Variants in PHF3 observed in about 807,000 individuals in gnomAD.
PHF3 encodes the protein PHD finger protein 3.
PHF3 carries 41 observed loss-of-function variants against 178.4 expected under a neutral mutation model. The ratio of observed to expected loss-of-function variants is 0.23; its 90% CI spans 0.18 to 0.30. The LOEUF (loss-of-function observed/expected upper bound fraction) is 0.30. Ranked by LOEUF, PHF3 falls within the 10% of genes least tolerant of loss-of-function variation. PHF3 has a pLI of 1.00. For missense variants in PHF3, 2,346 were observed against 2,398.1 expected (o/e 0.98, Z 0.45); for synonymous variants, 842 against 800.5 (o/e 1.05, Z -0.88).
At chr6:63,692,249 TTA>T (rs1270796192) in intron 5 of PHF3, among the ~76,000 whole-genome samples, 1 of 152,190 alleles carries the variant, frequency 6.6e-6, no homozygotes, top group Non-Finnish European at 1.5e-5. Flanking sequence ...TATGCAGGCC[TTA>T]TCTCTTACAG....
At chr6:63,662,551 T>G (rs1765513081) in intron 2 of PHF3, among the ~76,000 whole-genome samples, 1 of 152,176 alleles carries the variant, frequency 6.6e-6, no homozygotes, top group African/African-American at 2.4e-5. Context: ...CTTGTACTCT[T>G]TTCCCTTCCA....
rs1199362299 is a variant in PHF3, at chr6:63,685,424, G to A, written c.1702G>A (p.Val568Met). 4 of 1,613,850 alleles carry A rather than the reference G, an allele frequency of 2.5e-6. No homozygotes were observed. In the African/African-American group the frequency reaches 4.0e-5, roughly 16 times the overall value. ...IQSCNSGVKSVKNQAHSVLKK... is the reference protein window; with the variant it reads ...IQSCNSGVKSMKNQAHSVLKK... ...GAGTTGCAATTCTGGGGTTAAATCT[G>A]TGAAAAACCAAGCTCATTCTGTACT... Residue 568 changes from valine to methionine, a missense_variant, in exon 4 of 16, where the codon GTG becomes ATG. Around this residue, in one of 8 missense-constraint regions of PHF3, gnomAD observed 843 missense variants for 795.2 expected, o/e 1.06. Coordinates refer to ENST00000262043, the MANE Select transcript of PHF3 (RefSeq NM_001370348.2).
rs1336143624 is a variant in PHF3, at chr6:63,712,362, A to G, written c.4774A>G (p.Thr1592Ala). 1.2e-6 allele frequency: 2 copies of G among 1,613,792 alleles called. No individual in the cohort carries two copies. The highest frequency in any genetic ancestry group is 2.2e-5 in the South Asian group (2 of 91,050). The change falls in exon 16 of 16, where the codon ACA becomes GCA. Residue 1592 changes from threonine (T) to alanine (A), a missense_variant. Coordinates refer to ENST00000262043, the MANE Select transcript of PHF3 (RefSeq NM_001370348.2). ...QEETVESKEK[T>A]LKRQLQEDQE... is the part of the protein sequence containing the mutation. ...GGAAACTGTGGAGAGTAAAGAGAAA[A>G]CATTAAAAAGACAGCTTCAGGAAGA...
rs531899749 is a variant in PHF3 at position 63,703,499 on chromosome 6, A to T, written c.3232-37A>T. ...ATTTTGATAATTGAGGCCAAATTTT[A>T]TCAGCTAAAACTAATTTTTACTTTG... On this transcript the variant is annotated intron_variant, in intron 10 of 15. Coordinates refer to ENST00000262043, the MANE Select transcript of PHF3 (RefSeq NM_001370348.2). 181 of 1,574,922 alleles carry T rather than the reference A, an allele frequency of 1.1e-4. 1 individual carries two copies. Among genetic ancestry groups the T allele is most frequent in the Non-Finnish European group, 1.5e-4 (172 of 1,169,166 alleles).
intron 2 of PHF3, among the ~76,000 whole-genome samples, chr6:63,658,709 TG>T (rs1765340882): frequency 9.2e-4 from 2 of 2,168 alleles, no homozygotes; most frequent in Non-Finnish European, 7.1e-4. Flanking sequence ...CAATAGATTT[TG>T]TGTGTGTGTG....
intron 2 of PHF3, among the ~76,000 whole-genome samples, chr6:63,649,188 C>T (rs1764919981): frequency 6.6e-6 from 1 of 151,868 alleles, no homozygotes; most frequent in South Asian, 2.1e-4. Flanking sequence ...AAGCTATCCT[C>T]CGGCCTATGT....
At chr6:63,642,809 T>C (rs912392886) in intron 1 of PHF3, among the ~76,000 whole-genome samples, 1 of 152,206 alleles carries the variant, frequency 6.6e-6, no homozygotes, top group African/African-American at 2.4e-5. Context: ...AGACAATTTG[T>C]TTAATTAACA....
Position 63,680,144 on chromosome 6 carries a change from C to T in PHF3, c.389C>T (p.Pro130Leu), listed in dbSNP as rs893080172. ...ENSVRSPRKSPRLMAQEQVRS... is the reference protein window; with the variant it reads ...ENSVRSPRKSLRLMAQEQVRS... ...TCAGTGAGATCTCCAAGAAAATCAC[C>T]TCGTTTAATGGCACAAGGTAATCCT... Residue 130 changes from proline (P) to leucine (L), a missense_variant, in exon 3 of 16, where the codon CCT becomes CTT. Transcript: ENST00000262043. The T allele has an allele frequency of 5.6e-6, 9 of 1,607,864 alleles. No homozygotes were observed. Among genetic ancestry groups the T allele is most frequent in the Non-Finnish European group, 6.8e-6 (8 of 1,177,470 alleles).
Position 63,715,358 on chromosome 6 carries a change from A to G in PHF3, c.*1650A>G, listed in dbSNP as rs1386980608. The G allele has an allele frequency of 6.6e-6, 1 of 152,164 alleles. No homozygotes were observed. The highest frequency in any genetic ancestry group is 2.4e-5 in the African/African-American group (1 of 41,462). The allele number at this position is 152,164 out of a possible 1,614,324, so 9.4% of individuals were successfully genotyped here. A position where few individuals can be genotyped will look rare whatever the true frequency, so the allele number is the denominator to read the frequency against. ...TGTTAGAAAACAAAGTTAGTTCCCA[A>G]ACAAAACAAAATCTAAGTTATAATT... On this transcript the variant is annotated 3_prime_UTR_variant, in exon 16 of 16. Transcript: ENST00000262043.
intron 2 of PHF3, among the ~76,000 whole-genome samples, chr6:63,655,812 T>C (rs1358558758): frequency 8.5e-5 from 13 of 152,174 alleles, no homozygotes; most frequent in Admixed American, 5.9e-4. Context: ...TTCTTCTTTT[T>C]CTTTTTTTGT....
intron 2 of PHF3, among the ~76,000 whole-genome samples, chr6:63,652,525 A>G (rs1472035567): frequency 6.6e-6 from 1 of 152,058 alleles, no homozygotes; most frequent in Non-Finnish European, 1.5e-5. Context: ...TTTGCTGTCC[A>G]GAGCTTTTTA....
chr6:63,681,745 T>TA (rs951502112), intron 3 of PHF3, among the ~76,000 whole-genome samples: 12 of 152,004 alleles, frequency 7.9e-5, no homozygotes, highest in African/African-American at 1.2e-4. Context: ...TGCATTATTT[T>TA]AAAAAAAATG....
chr6:63,711,889 A>G lies in PHF3; in HGVS notation c.4301A>G (p.Gln1434Arg). Residue 1434 changes from glutamine (Q) to arginine (R), a missense_variant, in exon 16 of 16, where the codon CAG becomes CGG. Gln to Arg is a conservative substitution (Grantham distance 43). This residue lies in a region of PHF3 where 839 missense variants were observed against 806.9 expected (regional missense o/e 1.04). Coordinates refer to ENST00000262043, the MANE Select transcript of PHF3 (RefSeq NM_001370348.2). ...AVEPLMEVTK[Q>R]EPPKPLRFLP... Reference sequence around the variant, plus strand: ...GAACCTTTAATGGAAGTCACCAAACAGGAGCCACCAAAACCTTTAAGATTT... The same window carrying G: ...GAACCTTTAATGGAAGTCACCAAACGGGAGCCACCAAAACCTTTAAGATTT... 1 of 1,614,072 alleles carries G rather than the reference A, an allele frequency of 6.2e-7. No homozygotes were observed. Among genetic ancestry groups the G allele is most frequent in the South Asian group, 1.1e-5 (1 of 91,082 alleles).
chr6:63,686,920 G>A (rs1047224487), intron 4 of PHF3, among the ~76,000 whole-genome samples: 5 of 152,148 alleles, frequency 3.3e-5, no homozygotes, highest in Admixed American at 1.3e-4. Flanking sequence ...TGGGGAGATC[G>A]GAAAGGAGAT....
intron 2 of PHF3, among the ~76,000 whole-genome samples, chr6:63,649,698 A>G (rs1764943156): frequency 1.3e-5 from 2 of 152,190 alleles, no homozygotes; most frequent in African/African-American, 4.8e-5. Flanking sequence ...CAGTTGTTTT[A>G]TTTTGAGAGA....
Position 63,694,576 on chromosome 6 carries a change from TC to T in PHF3, c.2497-3del. 1 of 1,457,190 alleles carries T rather than the reference TC, an allele frequency of 6.9e-7. No homozygotes were observed. Among genetic ancestry groups the T allele is most frequent in the Non-Finnish European group, 9.1e-7 (1 of 1,099,930 alleles). 90.3% of individuals were successfully genotyped at this position (1,457,190 alleles called of 1,614,324 possible). On this transcript the variant is annotated splice_region_variant and splice_polypyrimidine_tract_variant and intron_variant, in intron 5 of 15. Transcript: ENST00000262043. ...ATTCTAATGAATTAAGTACTCATTT[TC>T]CAGGAGTCTGGTGAAGGCAGAAATT...
intron 4 of PHF3, among the ~76,000 whole-genome samples, chr6:63,688,134 C>T (rs1004092166): frequency 3.5e-5 from 5 of 143,844 alleles, no homozygotes; most frequent in African/African-American, 1.0e-4. Flanking sequence ...TGCAGTGAGC[C>T]GAGATCATGC....
chr6:63,724,031 T>A lies in PHF3; in HGVS notation c.*10323T>A, dbSNP rs1247454856. Among the ~76,000 whole-genome samples, 1 of 152,118 alleles carries A rather than the reference T, an allele frequency of 6.6e-6. No homozygotes were observed. Among genetic ancestry groups the A allele is most frequent in the Non-Finnish European group, 1.5e-5 (1 of 68,028 alleles). ...CATGTTGGCCAGGCTGGTCTTGACC[T>A]CCTGACTTCAGGTGATCCGCCCACC... On this transcript the variant is annotated 3_prime_UTR_variant, in exon 16 of 16. Transcript: ENST00000262043.
intron 1 of PHF3, among the ~76,000 whole-genome samples, chr6:63,640,925 TG>T (rs1487024161): frequency 1.3e-5 from 2 of 152,176 alleles, no homozygotes; most frequent in Non-Finnish European, 2.9e-5. Context: ...CCTTTCCAGT[TG>T]TGATGGCCAA....
Sources: gnomAD v4.1 joint callset for allele counts (sites outside exome capture counted in the v4.1 genomes callset) on GRCh38, gnomAD v4.1.1 for gene constraint, gnomAD v4.1.1 regional missense constraint, MANE v1.5 for transcripts, NCBI Gene and HGNC (gene_info 2026-07-23, HGNC 2026-07-21) for gene names.